The following DDR2 variants were observed in gnomAD, a reference collection of about 807,000 sequenced individuals.
The protein encoded by DDR2 is discoidin domain receptor tyrosine kinase 2.
Under a neutral mutation model 94.9 loss-of-function variants are expected in DDR2, and 27 were observed. The observed-to-expected ratio is 0.28, with a 90% CI of 0.21 to 0.39. The LOEUF (loss-of-function observed/expected upper bound fraction) is 0.39, where lower values mean the gene tolerates loss of function less well. Ranked by LOEUF, DDR2 falls within the 10% of genes least tolerant of loss-of-function variation. DDR2 has a pLI of 1.00. For synonymous variants in DDR2, 382 were observed against 377.2 expected (o/e 1.01, Z -0.15); for missense variants, 783 against 1,076.0 (o/e 0.73, Z 3.81).
At chr1:162,696,263 T>C (rs1660184556) in intron 2 of DDR2, among the ~76,000 whole-genome samples, 1 of 151,106 alleles carries the variant, frequency 6.6e-6, no homozygotes, top group Admixed American at 6.6e-5. Context: ...CAAACAAGGG[T>C]TCATAAAAGG....
At chr1:162,650,347 A>C (rs1230581556) in intron 1 of DDR2, among the ~76,000 whole-genome samples, 1 of 152,048 alleles carries the variant, frequency 6.6e-6, no homozygotes, top group Non-Finnish European at 1.5e-5. Flanking sequence ...TGTAATCCCA[A>C]CATTTTGGGA....
In DDR2 at chr1:162,780,412, C is replaced by CCT; in HGVS notation, c.*166_*167insCT. On this transcript the variant is annotated 3_prime_UTR_variant, in exon 18 of 18. Coordinates refer to ENST00000367921, the MANE Select transcript of DDR2 (RefSeq NM_006182.4). ...TCACCCCCACTCCCTACCCCTGACT[C>CCT]ATATACACTTTTTTTTTTTTTTACA... The CCT allele has an allele frequency of 1.3e-6, 1 of 761,834 alleles. No homozygotes were observed. Among genetic ancestry groups the CCT allele is most frequent in the Non-Finnish European group, 1.9e-6 (1 of 534,688 alleles). The allele number at this position is 761,834 out of a possible 1,614,324, so 47.2% of individuals were successfully genotyped here. A position where few individuals can be genotyped will look rare whatever the true frequency, so the allele number is the denominator to read the frequency against.
chr1:162,697,072 C>T (rs1265658782), intron 2 of DDR2, among the ~76,000 whole-genome samples: 1 of 152,068 alleles, frequency 6.6e-6, no homozygotes, highest in Non-Finnish European at 1.5e-5. Flanking sequence ...GGTACATGCA[C>T]CTTGAGTCTA....
intron 3 of DDR2, among the ~76,000 whole-genome samples, chr1:162,735,657 G>A (rs1250198601): frequency 6.6e-6 from 1 of 152,198 alleles, no homozygotes; most frequent in African/African-American, 2.4e-5. Context: ...CCACATAGCA[G>A]AGTATCCTAT....
At chr1:162,633,392 G>A (rs1028567692) in intron 1 of DDR2, among the ~76,000 whole-genome samples, 3 of 152,146 alleles carry the variant, frequency 2.0e-5, no homozygotes, top group Non-Finnish European at 2.9e-5. Flanking sequence ...GCAAGAGTTC[G>A]TACTGTTCAA....
chr1:162,645,987 C>A (rs1428906267), intron 1 of DDR2, among the ~76,000 whole-genome samples: 1 of 152,212 alleles, frequency 6.6e-6, no homozygotes, highest in Non-Finnish European at 1.5e-5. Context: ...AGCACATCTG[C>A]TCACAGCGTG....
chr1:162,750,472 C>T (rs1387169071), intron 3 of DDR2, among the ~76,000 whole-genome samples: 1 of 152,152 alleles, frequency 6.6e-6, no homozygotes, highest in Non-Finnish European at 1.5e-5. Context: ...GAACTACAAA[C>T]CACTGCTCAA....
intron 3 of DDR2, among the ~76,000 whole-genome samples, chr1:162,731,440 C>T (rs1315649577): frequency 6.6e-6 from 1 of 152,036 alleles, no homozygotes; most frequent in African/African-American, 2.4e-5. Flanking sequence ...TGGAAGCCGA[C>T]TCCAAACTTT....
intron 2 of DDR2, among the ~76,000 whole-genome samples, chr1:162,693,154 C>T (rs2101980113): frequency 6.6e-6 from 1 of 152,220 alleles, no homozygotes; most frequent in South Asian, 2.1e-4. Context: ...TTACCTGATA[C>T]CTTTGGGGAA....
intron 2 of DDR2, among the ~76,000 whole-genome samples, chr1:162,715,067 C>A (rs74877610): frequency 2.3e-4 from 35 of 152,280 alleles, no homozygotes; most frequent in African/African-American, 8.2e-4. Flanking sequence ...TTCGAAGGTG[C>A]AGAAAAGGGT....
At position 162,639,956 on chromosome 1, in the gene DDR2, T is replaced by C. The variant is rs1040932359; in HGVS notation, c.-192+7325T>C. 6.6e-5 allele frequency among the ~76,000 whole-genome samples: 10 copies of C among 152,170 alleles called. No homozygotes were observed. The South Asian group carries it at 1.0e-3, about 16-fold the overall frequency. On this transcript the variant is annotated intron_variant, in intron 1 of 17. Coordinates refer to ENST00000367921, the MANE Select transcript of DDR2 (RefSeq NM_006182.4). ...GTTCTGTGGTTACTACAATGGTGGA[T>C]GTATGTCATTATACCTTTGTCAAAA...
intron 1 of DDR2, among the ~76,000 whole-genome samples, chr1:162,645,184 G>C (rs1247730456): frequency 6.6e-6 from 1 of 152,212 alleles, no homozygotes; most frequent in Non-Finnish European, 1.5e-5. Context: ...AGAGACAGGT[G>C]ATGATAGAAG....
In DDR2 at chr1:162,704,856, G is replaced by A. The variant is rs545312824; in HGVS notation, c.-27-14181G>A. Among the ~76,000 whole-genome samples the A allele has an allele frequency of 2.4e-4, 37 of 152,260 alleles. 1 individual carries two copies. The highest frequency in any genetic ancestry group is 7.0e-4 in the African/African-American group (29 of 41,560). On this transcript the variant is annotated intron_variant, in intron 2 of 17. Coordinates refer to ENST00000367921, the MANE Select transcript of DDR2 (RefSeq NM_006182.4). ...TAGTCCTGGGCCATTTTACATAACGGGGGTTTACTAAGGACTCTCAACAGC... is the reference window on the plus strand; with the variant it reads ...TAGTCCTGGGCCATTTTACATAACGAGGGTTTACTAAGGACTCTCAACAGC...
At position 162,752,312 on chromosome 1, in the gene DDR2, C is replaced by T. The variant is rs542804555; in HGVS notation, c.83-783C>T. Among the ~76,000 whole-genome samples the T allele has an allele frequency of 3.3e-5, 5 of 152,356 alleles. No homozygotes were observed. In the South Asian group the frequency reaches 1.0e-3, roughly 32 times the overall value. ...CTCAACTCAGGAAATTCTCCAGGCTCTGCCTGAGTTCCCACTCATTGTGTT... is the reference window on the plus strand; with the variant it reads ...CTCAACTCAGGAAATTCTCCAGGCTTTGCCTGAGTTCCCACTCATTGTGTT... On this transcript the variant is annotated intron_variant, in intron 3 of 17. Transcript: ENST00000367921.
chr1:162,729,300 A>AT lies in DDR2; in HGVS notation c.82+10175dup, dbSNP rs869269032. 8.9e-4 allele frequency among the ~76,000 whole-genome samples: 84 copies of AT among 94,000 alleles called. 1 individual carries two copies. The highest frequency in any genetic ancestry group is 2.3e-3 in the South Asian group (6 of 2,656). The allele number at this position is 94,000 out of a possible 152,430, so 61.7% of individuals were successfully genotyped here. The stretch of plus-strand genomic sequence containing the variant: ...TCCATTTATATATATATATATATAT[A>AT]TTTTTTTTTTTTTTTTTTTTCCTTG... On this transcript the variant is annotated intron_variant, in intron 3 of 17. Coordinates refer to ENST00000367921, the MANE Select transcript of DDR2 (RefSeq NM_006182.4).
intron 3 of DDR2, among the ~76,000 whole-genome samples, chr1:162,739,460 C>A (rs939172164): frequency 6.6e-6 from 1 of 152,142 alleles, no homozygotes; most frequent in South Asian, 2.1e-4. Context: ...GGGCACACCA[C>A]CATGCCTGGC....
chr1:162,730,807 TC>T (rs1558051766), intron 3 of DDR2, among the ~76,000 whole-genome samples: 1 of 151,944 alleles, frequency 6.6e-6, no homozygotes, highest in Non-Finnish European at 1.5e-5. Flanking sequence ...CTCCTTACAT[TC>T]CCCCTCCACA....
intron 3 of DDR2, among the ~76,000 whole-genome samples, chr1:162,729,931 C>T (rs1401829389): frequency 2.0e-5 from 3 of 150,910 alleles, no homozygotes; most frequent in Admixed American, 6.6e-5. Context: ...TTAGTAGGGA[C>T]GAGGTTTCTC....
At chr1:162,727,156 A>G (rs1337304547) in intron 3 of DDR2, among the ~76,000 whole-genome samples, 1 of 145,170 alleles carries the variant, frequency 6.9e-6, no homozygotes, top group African/African-American at 2.5e-5. Flanking sequence ...TATTTTGTAA[A>G]TATAAACATA....
Sources: allele counts gnomAD v4.1 joint callset (sites outside exome capture counted in the v4.1 genomes callset), GRCh38; gene constraint gnomAD v4.1.1; transcripts MANE v1.5; gene names NCBI Gene and HGNC (gene_info 2026-07-23, HGNC 2026-07-21).